KIRREL3: variants seen among roughly 807,000 people sequenced by gnomAD.
The protein encoded by KIRREL3 is kin of IRRE-like protein 3.
In KIRREL3, 36 loss-of-function variants were observed where a neutral mutation model predicts 89.7. That is an observed-to-expected ratio of 0.40 (90% CI 0.31 to 0.53). KIRREL3 has a LOEUF of 0.53. Among genes scored for constraint, KIRREL3 ranks in the 20% least tolerant of loss-of-function variants. The pLI, the probability that KIRREL3 is intolerant of heterozygous loss-of-function variation, is 0.49. For synonymous variants in KIRREL3, 445 were observed against 441.4 expected, an observed-to-expected ratio of 1.01 and a Z score of -0.10; for missense variants, 864 against 1,056.6, an observed-to-expected ratio of 0.82 and a Z score of 2.53.
intron 1 of KIRREL3, among the ~76,000 whole-genome samples, chr11:126,871,178 C>T (rs1945097027): frequency 1.3e-5 from 2 of 152,226 alleles, no homozygotes; most frequent in South Asian, 4.1e-4. Flanking sequence ...GCCGTCTGCT[C>T]TGACACCTGA....
chr11:126,903,250 G>T lies in KIRREL3; in HGVS notation c.55+97205C>A, dbSNP rs947843812. Among the ~76,000 whole-genome samples the T allele has an allele frequency of 6.6e-6, 1 of 151,884 alleles. No individual in the cohort carries two copies. Among genetic ancestry groups the T allele is most frequent in the African/African-American group, 2.4e-5 (1 of 41,326 alleles). ...AACGTCCCTCTGCAATTACCATTTG[G>T]TATGAAGTTTAGGCACTCACATTTT... On this transcript the variant is annotated intron_variant, in intron 1 of 16. Coordinates refer to ENST00000525144, the MANE Select transcript of KIRREL3 (RefSeq NM_032531.4). This position sits in a 1 kb window ranked among gnomAD's most constrained non-coding sequence, Gnocchi z 4.5.
Position 126,802,111 on chromosome 11 carries a change from AG to A in KIRREL3, c.55+198343del, listed in dbSNP as rs1951055091. On this transcript the variant is annotated intron_variant, in intron 1 of 16. Transcript: ENST00000525144. The surrounding 1 kb of genome is among the most constrained non-coding windows in gnomAD (Gnocchi z 5.2). Reference sequence around the variant, plus strand: ...TGTGAGGAAGAATGGCCAGGACAGTAGACATTCAGAAATTCAGTTTTAATGT... The same window carrying A: ...TGTGAGGAAGAATGGCCAGGACAGTAACATTCAGAAATTCAGTTTTAATGT... Among the ~76,000 whole-genome samples the A allele has an allele frequency of 6.6e-6, 1 of 152,222 alleles. No individual in the cohort carries two copies.
intron 1 of KIRREL3, among the ~76,000 whole-genome samples, chr11:126,790,808 C>T (rs984328570): frequency 1.1e-4 from 17 of 152,210 alleles, no homozygotes; most frequent in African/African-American, 2.9e-4. Context: ...TGGGTGGGGG[C>T]GCTCTTCCCC....
chr11:126,542,100 C>A (rs1380965577), intron 2 of KIRREL3, among the ~76,000 whole-genome samples: 1 of 152,174 alleles, frequency 6.6e-6, no homozygotes, highest in Non-Finnish European at 1.5e-5. Flanking sequence ...CTGTGAAGGA[C>A]CACGTGGCTA....
rs1955048168 is a variant in KIRREL3, at chr11:126,429,353, C to G, written c.1697-65G>C. 8.5e-7 allele frequency: 1 copy of G among 1,173,484 alleles called. No homozygotes were observed. The highest frequency in any genetic ancestry group is 1.3e-5 in the South Asian group (1 of 79,672). The allele number at this position is 1,173,484 out of a possible 1,614,324, so 72.7% of individuals were successfully genotyped here. On this transcript the variant is annotated intron_variant, in intron 14 of 16. Transcript: ENST00000525144. The surrounding 1 kb of genome is among the most constrained non-coding windows in gnomAD (Gnocchi z 5.2). ...TCTTACCTTTGAGATGTCAAGCTCC[C>G]TTGCAGTCCCCTGCCCCTGCCCTGC...
At chr11:126,851,581 G>A (rs4937208) in intron 1 of KIRREL3, among the ~76,000 whole-genome samples, 128,652 of 152,122 alleles carry the variant, frequency 0.85, 54,585 homozygotes, top group East Asian at 1. Flanking sequence ...AGAACATCTC[G>A]AATGTCCTCT....
rs574408221 is a variant in KIRREL3 at position 126,645,526 on chromosome 11, C to T, written c.56-82614G>A. On this transcript the variant is annotated intron_variant, in intron 1 of 16. Transcript: ENST00000525144. This position sits in a 1 kb window ranked among gnomAD's most constrained non-coding sequence, Gnocchi z 4.9. ...AATGAAAGAATTCATGAGTAATAGC[C>T]GGGCATAAATCAGAATATGCACTTG... 3.9e-5 allele frequency among the ~76,000 whole-genome samples: 6 copies of T among 152,234 alleles called. No homozygotes were observed. The highest frequency in any genetic ancestry group is 9.6e-5 in the African/African-American group (4 of 41,556).
Position 126,867,299 on chromosome 11 carries a change from G to A in KIRREL3, c.55+133156C>T, listed in dbSNP as rs1944958429. Among the ~76,000 whole-genome samples, 2 of 152,202 alleles carry A rather than the reference G, an allele frequency of 1.3e-5. No homozygotes were observed. The highest frequency in any genetic ancestry group is 4.1e-4 in the South Asian group (2 of 4,828). On this transcript the variant is annotated intron_variant, in intron 1 of 16. Coordinates refer to ENST00000525144, the MANE Select transcript of KIRREL3 (RefSeq NM_032531.4). The surrounding 1 kb of genome is among the most constrained non-coding windows in gnomAD (Gnocchi z 4.7). ...ATAGCAGGTCTTCAGGACCTGTGCT[G>A]GGACTCTCCTCTCATTACCTGCACT...
At position 126,463,622 on chromosome 11, in the gene KIRREL3, G is replaced by C. The variant is rs1242428861; in HGVS notation, c.592-315C>G. On this transcript the variant is annotated intron_variant, in intron 5 of 16. Coordinates refer to ENST00000525144, the MANE Select transcript of KIRREL3 (RefSeq NM_032531.4). This position sits in a 1 kb window ranked among gnomAD's most constrained non-coding sequence, Gnocchi z 5.9. Reference sequence around the variant, plus strand: ...GGGTTTCATGGAAACCAGGCTTCAGGGAGGTCCCATGTTGAAATGAACTCA... The same window carrying C: ...GGGTTTCATGGAAACCAGGCTTCAGCGAGGTCCCATGTTGAAATGAACTCA... 6.6e-6 allele frequency among the ~76,000 whole-genome samples: 1 copy of C among 152,204 alleles called. No individual in the cohort carries two copies. Among genetic ancestry groups the C allele is most frequent in the Non-Finnish European group, 1.5e-5 (1 of 68,028 alleles).
rs1946172937 is a variant in KIRREL3 at position 126,676,032 on chromosome 11, A to G, written c.56-113120T>C. ...ATGATGTTAACACCAAGAATAAGAA[A>G]TCCAGTAGGAGGGAGAAGTTTGAGA... is the stretch of plus-strand genomic sequence containing the variant. On this transcript the variant is annotated intron_variant, in intron 1 of 16. Coordinates refer to ENST00000525144, the MANE Select transcript of KIRREL3 (RefSeq NM_032531.4). This position sits in a 1 kb window ranked among gnomAD's most constrained non-coding sequence, Gnocchi z 4.5. Among the ~76,000 whole-genome samples, 1 of 152,158 alleles carries G rather than the reference A, an allele frequency of 6.6e-6. No homozygotes were observed. Among genetic ancestry groups the G allele is most frequent in the African/African-American group, 2.4e-5 (1 of 41,420 alleles).
At position 126,883,664 on chromosome 11, in the gene KIRREL3, A is replaced by G. The variant is rs1033809806; in HGVS notation, c.55+116791T>C. 6.6e-6 allele frequency among the ~76,000 whole-genome samples: 1 copy of G among 152,094 alleles called. No individual in the cohort carries two copies. The highest frequency in any genetic ancestry group is 1.5e-5 in the Non-Finnish European group (1 of 68,014). On this transcript the variant is annotated intron_variant, in intron 1 of 16. Coordinates refer to ENST00000525144, the MANE Select transcript of KIRREL3 (RefSeq NM_032531.4). This position sits in a 1 kb window ranked among gnomAD's most constrained non-coding sequence, Gnocchi z 4.1. The stretch of plus-strand genomic sequence containing the variant: ...TATTTTAGCATTTACTTCCTTACAC[A>G]TAGACTTTTTCCATTCCCACTTCAC...
intron 13 of KIRREL3, among the ~76,000 whole-genome samples, chr11:126,434,006 A>G (rs1279958173): frequency 6.6e-6 from 1 of 152,136 alleles, no homozygotes; most frequent in Non-Finnish European, 1.5e-5. Context: ...TAGCTGGACA[A>G]CGGTCACCAG....
chr11:126,643,813 G>T lies in KIRREL3; in HGVS notation c.56-80901C>A, dbSNP rs1436424057. Among the ~76,000 whole-genome samples, 1 of 152,168 alleles carries T rather than the reference G, an allele frequency of 6.6e-6. No homozygotes were observed. The highest frequency in any genetic ancestry group is 1.5e-5 in the Non-Finnish European group (1 of 68,022). ...AATAGAAAAGAGTTATTATGAACTG[G>T]TGACCAAAAAGATGAAGAGAATGAG... is the stretch of plus-strand genomic sequence containing the variant. On this transcript the variant is annotated intron_variant, in intron 1 of 16. Coordinates refer to ENST00000525144, the MANE Select transcript of KIRREL3 (RefSeq NM_032531.4). The surrounding 1 kb of genome is among the most constrained non-coding windows in gnomAD (Gnocchi z 4.5).
intron 1 of KIRREL3, among the ~76,000 whole-genome samples, chr11:126,671,787 G>A (rs1456846832): frequency 6.6e-6 from 1 of 152,170 alleles, no homozygotes; most frequent in Non-Finnish European, 1.5e-5. Context: ...TACTGGCAAG[G>A]ATATGGAGCA....
chr11:126,692,061 A>G (rs1380952965), intron 1 of KIRREL3, among the ~76,000 whole-genome samples: 1 of 152,216 alleles, frequency 6.6e-6, no homozygotes, highest in Non-Finnish European at 1.5e-5. Flanking sequence ...ACCCTTGTGC[A>G]CTGTTGGTGG....
intron 1 of KIRREL3, among the ~76,000 whole-genome samples, chr11:126,738,560 C>A (rs1425236832): frequency 6.6e-6 from 1 of 152,156 alleles, no homozygotes; most frequent in African/African-American, 2.4e-5. Context: ...AGGAGTGCAA[C>A]ACTGTGGTTC....
chr11:126,543,684 G>A (rs971302870), intron 2 of KIRREL3, among the ~76,000 whole-genome samples: 2 of 152,186 alleles, frequency 1.3e-5, no homozygotes, highest in Non-Finnish European at 2.9e-5. Context: ...TGCCCTTCCT[G>A]AAGACCACGG....
In KIRREL3 at chr11:126,495,367, C is replaced by T. The variant is rs1256724834; in HGVS notation, c.434-21901G>A. Among the ~76,000 whole-genome samples the T allele has an allele frequency of 2.0e-5, 3 of 152,174 alleles. No homozygotes were observed. Among genetic ancestry groups the T allele is most frequent in the Admixed American group, 1.3e-4 (2 of 15,284 alleles). On this transcript the variant is annotated intron_variant, in intron 4 of 16. Coordinates refer to ENST00000525144, the MANE Select transcript of KIRREL3 (RefSeq NM_032531.4). The surrounding 1 kb of genome is among the most constrained non-coding windows in gnomAD (Gnocchi z 6.5). ...AGAGATCCTCTACATGAACCTCCCTCTCTGCGCCCTACCTCCAGCACCCTC... is the reference window on the plus strand; with the variant it reads ...AGAGATCCTCTACATGAACCTCCCTTTCTGCGCCCTACCTCCAGCACCCTC...
intron 1 of KIRREL3, among the ~76,000 whole-genome samples, chr11:126,665,154 T>G (rs1382145200): frequency 6.6e-6 from 1 of 152,118 alleles, no homozygotes; most frequent in Non-Finnish European, 1.5e-5. Context: ...CTGTTACTGA[T>G]GAAACAGTCC....
Sources: allele counts gnomAD v4.1 joint callset (sites outside exome capture counted in the v4.1 genomes callset), GRCh38; gene constraint gnomAD v4.1.1; non-coding constraint Gnocchi (gnomAD v3.1); transcripts MANE v1.5; gene names NCBI Gene and HGNC (gene_info 2026-07-23, HGNC 2026-07-21).